Variants in GTF2IRD1 observed in about 807,000 individuals in gnomAD.
The protein encoded by GTF2IRD1 is GTF2I repeat domain containing 1.
GTF2IRD1 carries 26 observed loss-of-function variants against 113.2 expected under a neutral mutation model. That is an observed-to-expected ratio of 0.23 (90% CI 0.17 to 0.32). The LOEUF is 0.32. Ranked by LOEUF, GTF2IRD1 falls within the 10% of genes least tolerant of loss-of-function variation. GTF2IRD1 has a pLI of 1.00. For missense variants in GTF2IRD1, 864 were observed against 1,280.8 expected (o/e 0.67, Z 4.97); for synonymous variants, 484 against 529.1 (o/e 0.91, Z 1.17).
chr7:74,516,506 C>T (rs993724832), intron 4 of GTF2IRD1, among the ~76,000 whole-genome samples: 3 of 152,260 alleles, frequency 2.0e-5, no homozygotes, highest in South Asian at 4.1e-4. Flanking sequence ...GTGGTCTTCA[C>T]ACGCCCTGGG....
chr7:74,560,558 T>C (rs1248394403), intron 22 of GTF2IRD1, among the ~76,000 whole-genome samples: 1 of 147,204 alleles, frequency 6.8e-6, no homozygotes, highest in African/African-American at 2.5e-5. Context: ...AAAAATATTA[T>C]ATATATAATA....
At chr7:74,515,084 A>AT (rs1554344239) in intron 3 of GTF2IRD1, among the ~76,000 whole-genome samples, 2 of 150,676 alleles carry the variant, frequency 1.3e-5, no homozygotes, top group Admixed American at 6.6e-5. Flanking sequence ...AAAAAATAGA[A>AT]AGACACAGAT....
chr7:74,591,463 TC>T (rs1554369633), intron 24 of GTF2IRD1, among the ~76,000 whole-genome samples: 1 of 150,172 alleles, frequency 6.7e-6, no homozygotes, highest in African/African-American at 2.5e-5. Flanking sequence ...ACTGCACGCT[TC>T]ACCTCCTGAG....
chr7:74,530,850 T>C (rs1264099571), intron 9 of GTF2IRD1, among the ~76,000 whole-genome samples: 1 of 152,108 alleles, frequency 6.6e-6, no homozygotes, highest in Non-Finnish European at 1.5e-5. Context: ...TGTGCCTCAT[T>C]TACATAAACC....
At chr7:74,544,996 C>T (rs1798840719) in intron 15 of GTF2IRD1, among the ~76,000 whole-genome samples, 194 bp downstream of exon 15, 1 of 152,164 alleles carries the variant, frequency 6.6e-6, no homozygotes, top group South Asian at 2.1e-4. Context: ...CTTCTAGAAC[C>T]AGGAAGTTCC....
At position 74,571,939 on chromosome 7, in the gene GTF2IRD1, GC is replaced by G. The variant is rs1436253827; in HGVS notation, c.2320+12287del. Among the ~76,000 whole-genome samples the G allele has an allele frequency of 4.3e-4, 66 of 152,282 alleles. No individual in the cohort carries two copies. In the South Asian group the frequency reaches 6.0e-3, roughly 14 times the overall value. On this transcript the variant is annotated intron_variant, in intron 22 of 26. Coordinates refer to ENST00000424337, the MANE Select transcript of GTF2IRD1 (RefSeq NM_005685.4). ...CTCACCCCCACCAGAATTGTTTGAG[GC>G]CCATTTTGAGAAGCTCAGCTGTGGG...
chr7:74,573,191 G>A (rs1169013637), intron 22 of GTF2IRD1, among the ~76,000 whole-genome samples: 1 of 151,968 alleles, frequency 6.6e-6, no homozygotes, highest in Non-Finnish European at 1.5e-5. Flanking sequence ...CGGATTGCTT[G>A]AGCAATCCTG....
intron 22 of GTF2IRD1, among the ~76,000 whole-genome samples, chr7:74,585,393 G>A (rs1272294649): frequency 6.6e-6 from 1 of 152,054 alleles, no homozygotes; most frequent in Non-Finnish European, 1.5e-5. Context: ...GATTATAGGC[G>A]TGAGTCACCG....
At chr7:74,579,383 C>T (rs1302585736) in intron 22 of GTF2IRD1, among the ~76,000 whole-genome samples, 15 of 151,974 alleles carry the variant, frequency 9.9e-5, no homozygotes, top group East Asian at 1.9e-4. Context: ...TTTGGGAGAC[C>T]GAGGCAGGCG....
chr7:74,493,850 C>A (rs1795500396), intron 1 of GTF2IRD1, among the ~76,000 whole-genome samples: 1 of 152,060 alleles, frequency 6.6e-6, no homozygotes, highest in Admixed American at 6.6e-5. Context: ...TCCCAAGCAG[C>A]TGGGACTACA....
intron 22 of GTF2IRD1, among the ~76,000 whole-genome samples, chr7:74,588,759 T>C (rs1801878943): frequency 6.6e-6 from 1 of 152,170 alleles, no homozygotes; most frequent in Non-Finnish European, 1.5e-5. Context: ...CTCGAACTCC[T>C]GGCCTCAAGT....
chr7:74,555,230 A>G lies in GTF2IRD1; in HGVS notation c.1966+7A>G, dbSNP rs1799522161. The stretch of plus-strand genomic sequence containing the variant: ...CCCATCATGGATAGTCAAGGTACCC[A>G]GCGCGGGGTCGGGAGCCATGGTGTG... On this transcript the variant is annotated splice_region_variant and intron_variant, in intron 18 of 26. Coordinates refer to ENST00000424337, the MANE Select transcript of GTF2IRD1 (RefSeq NM_005685.4). The surrounding 1 kb of genome is among the most constrained non-coding windows in gnomAD (Gnocchi z 5.3). The G allele has an allele frequency of 6.2e-7, 1 of 1,613,038 alleles. No homozygotes were observed. The highest frequency in any genetic ancestry group is 8.5e-7 in the Non-Finnish European group (1 of 1,179,552).
chr7:74,566,831 G>A (rs1450638263), intron 22 of GTF2IRD1, among the ~76,000 whole-genome samples: 1 of 152,118 alleles, frequency 6.6e-6, no homozygotes, highest in Non-Finnish European at 1.5e-5. Context: ...ACCCAGGGCA[G>A]GCTCTACCAC....
chr7:74,547,199 T>C lies in GTF2IRD1; in HGVS notation c.1829T>C (p.Ile610Thr). The C allele has an allele frequency of 6.2e-7, 1 of 1,613,606 alleles. No individual in the cohort carries two copies. Among genetic ancestry groups the C allele is most frequent in the Non-Finnish European group, 8.5e-7 (1 of 1,179,812 alleles). ...TTTGTGGTGGGACTGCCTGAAGGCA[T>C]CTCCCTCCGCAGGCCCAACTGCTTC... ...ELFVVGLPEG[I>T]SLRRPNCFGI... Residue 610 changes from isoleucine to threonine, a missense_variant, in exon 17 of 27, where the codon ATC (isoleucine) becomes ACC (threonine). Around this residue, in one of 7 missense-constraint regions of GTF2IRD1, gnomAD observed 195 missense variants for 359.1 expected, o/e 0.54. Coordinates refer to ENST00000424337, the MANE Select transcript of GTF2IRD1 (RefSeq NM_005685.4).
intron 24 of GTF2IRD1, among the ~76,000 whole-genome samples, chr7:74,592,404 C>A (rs587637280): frequency 6.6e-6 from 1 of 151,358 alleles, no homozygotes; most frequent in Non-Finnish European, 1.5e-5. Flanking sequence ...CACACCCAGC[C>A]CCCCCTTTTT....
intron 3 of GTF2IRD1, among the ~76,000 whole-genome samples, chr7:74,514,318 C>A (rs1457885869): frequency 6.6e-6 from 1 of 152,154 alleles, no homozygotes; most frequent in Non-Finnish European, 1.5e-5. Flanking sequence ...CCCCACCCCC[C>A]TCAGCCCTCA....
chr7:74,546,744 G>A (rs757575), intron 16 of GTF2IRD1, among the ~76,000 whole-genome samples: 29,561 of 150,722 alleles, frequency 0.2, 3,047 homozygotes, highest in Middle Eastern at 0.23. Context: ...CTGGAAGGGC[G>A]AGGCCCAGTG....
intron 1 of GTF2IRD1, among the ~76,000 whole-genome samples, chr7:74,465,219 C>G (rs1554330517): frequency 6.6e-6 from 1 of 152,190 alleles, no homozygotes; most frequent in Non-Finnish European, 1.5e-5. Context: ...GTGCAGCCCT[C>G]TGGGCAGGTG....
intron 1 of GTF2IRD1, among the ~76,000 whole-genome samples, chr7:74,454,915 C>T (rs1792863962): frequency 6.6e-6 from 1 of 152,096 alleles, no homozygotes; most frequent in South Asian, 2.1e-4. Flanking sequence ...CCGCCCCATC[C>T]TAAGTACCCT....
Sources: gnomAD v4.1 joint callset for allele counts (sites outside exome capture counted in the v4.1 genomes callset) on GRCh38, gnomAD v4.1.1 for gene constraint, gnomAD v4.1.1 regional missense constraint, Gnocchi (gnomAD v3.1) non-coding constraint, MANE v1.5 for transcripts, NCBI Gene and HGNC (gene_info 2026-07-23, HGNC 2026-07-21) for gene names.